Variants in SLC41A2 observed in about 807,000 individuals in gnomAD.
SLC41A2 encodes the protein SLC41A1-like 1.
In SLC41A2, 32 loss-of-function variants were observed where a neutral mutation model predicts 58.3. That is an observed-to-expected ratio of 0.55 (90% CI 0.41 to 0.74). The LOEUF is 0.74. Ranked by LOEUF, SLC41A2 falls within the 30% of genes least tolerant of loss-of-function variation. The pLI is 0.00. For synonymous variants in SLC41A2, 190 were observed against 235.0 expected (o/e 0.81, Z 1.75); for missense variants, 514 against 680.6 (o/e 0.76, Z 2.72).
intron 2 of SLC41A2, among the ~76,000 whole-genome samples, chr12:104,926,596 TAA>T (rs536256905): frequency 7.8e-6 from 1 of 129,018 alleles, no homozygotes; most frequent in African/African-American, 2.8e-5. Flanking sequence ...TTAAAAAAAA[TAA>T]AAAAAAAAAG....
At chr12:104,893,860 G>T (rs975475273) in intron 4 of SLC41A2, among the ~76,000 whole-genome samples, 9 of 152,112 alleles carry the variant, frequency 5.9e-5, no homozygotes, top group Admixed American at 5.9e-4. Context: ...AGGCTGGGAA[G>T]GGTAGTAGGA....
chr12:104,821,361 T>TATA (rs1158621398), intron 10 of SLC41A2, among the ~76,000 whole-genome samples: 1 of 152,124 alleles, frequency 6.6e-6, no homozygotes, highest in Non-Finnish European at 1.5e-5. Context: ...AATAAACTCT[T>TATA]ATAATACGTT....
chr12:104,835,578 T>G (rs1052536060), intron 10 of SLC41A2, among the ~76,000 whole-genome samples: 5 of 152,136 alleles, frequency 3.3e-5, no homozygotes, highest in Non-Finnish European at 7.4e-5. Context: ...CCTCCCCACA[T>G]AGAAAAACCT....
chr12:104,850,358 A>G (rs2042753799), intron 8 of SLC41A2, among the ~76,000 whole-genome samples: 1 of 152,146 alleles, frequency 6.6e-6, no homozygotes, highest in Non-Finnish European at 1.5e-5. Context: ...GCAGCCTCCA[A>G]ATCTACGCAG....
intron 6 of SLC41A2, among the ~76,000 whole-genome samples, chr12:104,876,654 T>C (rs1357464326): frequency 6.6e-6 from 1 of 152,198 alleles, no homozygotes; most frequent in African/African-American, 2.4e-5. Flanking sequence ...TAAATTTCAA[T>C]CTTCTCAAAG....
intron 10 of SLC41A2, among the ~76,000 whole-genome samples, chr12:104,814,262 C>T (rs570289219): frequency 6.6e-6 from 1 of 152,050 alleles, no homozygotes; most frequent in East Asian, 1.9e-4. Flanking sequence ...AAATTAGCCC[C>T]CTGTAGACCC....
intron 2 of SLC41A2, among the ~76,000 whole-genome samples, chr12:104,916,846 T>C (rs1369997885): frequency 6.6e-6 from 1 of 151,942 alleles, no homozygotes; most frequent in Non-Finnish European, 1.5e-5. Context: ...AAGACTTAAA[T>C]GTTAGACCTA....
chr12:104,895,389 A>G (rs1255150986), intron 3 of SLC41A2, 44 bp from the exon 4 acceptor site: 3 of 1,384,444 alleles, frequency 2.2e-6, no homozygotes, highest in Non-Finnish European at 2.1e-6. Context: ...GAAAATCTAC[A>G]TGTTCTCTGC....
chr12:104,923,936 C>T (rs553185956), intron 2 of SLC41A2, among the ~76,000 whole-genome samples: 12 of 152,070 alleles, frequency 7.9e-5, no homozygotes, highest in East Asian at 3.9e-4. Context: ...ATTTCTTAGA[C>T]GAGAGACATA....
intron 8 of SLC41A2, among the ~76,000 whole-genome samples, chr12:104,855,893 A>G (rs1292412383): frequency 6.6e-6 from 1 of 152,240 alleles, no homozygotes; most frequent in Non-Finnish European, 1.5e-5. Context: ...GGATGAGTTC[A>G]GTTAGAAGCT....
chr12:104,836,158 T>C (rs898157680), intron 10 of SLC41A2, among the ~76,000 whole-genome samples: 8 of 152,202 alleles, frequency 5.3e-5, no homozygotes, highest in African/African-American at 1.9e-4. Flanking sequence ...CTTATTCTTA[T>C]AAAACACAGT....
intron 3 of SLC41A2, among the ~76,000 whole-genome samples, chr12:104,900,095 T>G (rs1273941918): frequency 6.6e-6 from 1 of 152,166 alleles, no homozygotes; most frequent in Non-Finnish European, 1.5e-5. Context: ...AATAAGACTA[T>G]CAGTTTTCTG....
chr12:104,958,249 C>G lies in SLC41A2; in HGVS notation c.-329G>C, dbSNP rs967158269. 6.6e-6 allele frequency: 1 copy of G among 151,138 alleles called. No individual in the cohort carries two copies. Among genetic ancestry groups the G allele is most frequent in the Non-Finnish European group, 1.5e-5 (1 of 67,754 alleles). The allele number at this position is 151,138 out of a possible 1,614,324, so 9.4% of individuals were successfully genotyped here. On this transcript the variant is annotated 5_prime_UTR_variant, in exon 1 of 11. Coordinates refer to ENST00000258538, the MANE Select transcript of SLC41A2 (RefSeq NM_001352171.3). ...GCGGCTCCCAGCCCACAGCTCCTTC[C>G]TGCTCCCGCGCCTCCTCGCGCGGCT...
At chr12:104,806,047 CTTTA>C (rs1465806929) in intron 10 of SLC41A2, among the ~76,000 whole-genome samples, 2 of 151,676 alleles carry the variant, frequency 1.3e-5, no homozygotes, top group African/African-American at 2.4e-5. Context: ...GGGGGATTTT[CTTTA>C]TTTATTTATT....
At position 104,940,020 on chromosome 12, in the gene SLC41A2, A is replaced by T. The variant is rs560173253; in HGVS notation, c.-167-11326T>A. Among the ~76,000 whole-genome samples the T allele has an allele frequency of 3.2e-4, 48 of 148,666 alleles. No homozygotes were observed. In the East Asian group the frequency reaches 4.3e-3, roughly 13 times the overall value. On this transcript the variant is annotated intron_variant, in intron 1 of 10. Transcript: ENST00000258538. ...TACGTTTCTGTTTCCTATTATTATT[A>T]TTTTTTTTTTGAGACGGAGTTTCAC... is the stretch of plus-strand genomic sequence containing the variant.
chr12:104,877,808 G>C (rs1489399960), intron 6 of SLC41A2, among the ~76,000 whole-genome samples: 2 of 152,038 alleles, frequency 1.3e-5, no homozygotes, highest in African/African-American at 4.8e-5. Context: ...AGACCAGTCT[G>C]GGCAACACAG....
chr12:104,938,757 A>T (rs897482771), intron 1 of SLC41A2, among the ~76,000 whole-genome samples: 1 of 152,210 alleles, frequency 6.6e-6, no homozygotes, highest in Non-Finnish European at 1.5e-5. Context: ...GTTTATTATC[A>T]CAGCATGACC....
At chr12:104,878,904 G>T (rs1042486267) in intron 6 of SLC41A2, among the ~76,000 whole-genome samples, 2 of 152,156 alleles carry the variant, frequency 1.3e-5, no homozygotes, top group Non-Finnish European at 2.9e-5. Flanking sequence ...TTCCACAATG[G>T]TTGAACTAGT....
At chr12:104,924,915 A>T (rs1193576585) in intron 2 of SLC41A2, among the ~76,000 whole-genome samples, 3 of 152,206 alleles carry the variant, frequency 2.0e-5, no homozygotes, top group Non-Finnish European at 4.4e-5. Flanking sequence ...ACACACACAC[A>T]AAAAACCATG....
Sources: gnomAD v4.1 joint callset for allele counts (sites outside exome capture counted in the v4.1 genomes callset) on GRCh38, gnomAD v4.1.1 for gene constraint, MANE v1.5 for transcripts, NCBI Gene and HGNC (gene_info 2026-07-23, HGNC 2026-07-21) for gene names.